Variants in IFITM1 observed in about 807,000 individuals in gnomAD.
IFITM1 encodes interferon-induced transmembrane protein 1.
A neutral mutation model predicts 4.0 loss-of-function variants in IFITM1; 1 was observed. The ratio of observed to expected loss-of-function variants is 0.25; its 90% CI spans 0.09 to 1.18. IFITM1 has a LOEUF of 1.18. Ranked by LOEUF, IFITM1 falls within the 50% of genes most tolerant of loss-of-function variation. IFITM1 has a pLI of 0.50. For missense variants in IFITM1, 131 were observed against 163.2 expected (o/e 0.80, Z 1.08); for synonymous variants, 79 against 69.7 (o/e 1.13, Z -0.67).
chr11:314,054 AAGG>A lies in IFITM1; in HGVS notation c.-113_-111del, dbSNP rs1002331178. On this transcript the variant is annotated 5_prime_UTR_variant, in exon 1 of 2. Transcript: ENST00000408968. This position sits in a 1 kb window ranked among gnomAD's most constrained non-coding sequence, Gnocchi z 4.5. ...TCTGAGAAACTGAAACGACAGGGGA[AAGG>A]AGGTCTCACTGAGCACCGTCCCAGC... 2.6e-5 allele frequency: 20 copies of A among 768,998 alleles called. No homozygotes were observed. In the African/African-American group the frequency reaches 3.5e-4, roughly 13 times the overall value. 47.6% of individuals were successfully genotyped at this position (768,998 alleles called of 1,614,324 possible).
chr11:314,459 G>C lies in IFITM1; in HGVS notation c.186+103G>C. 1 of 1,301,206 alleles carries C rather than the reference G, an allele frequency of 7.7e-7. No homozygotes were observed. Among genetic ancestry groups the C allele is most frequent in the Non-Finnish European group, 1.1e-6 (1 of 903,820 alleles). 80.6% of individuals were successfully genotyped at this position (1,301,206 alleles called of 1,614,324 possible). On this transcript the variant is annotated intron_variant, in intron 1 of 1. Coordinates refer to ENST00000408968, the MANE Select transcript of IFITM1 (RefSeq NM_003641.5). This position sits in a 1 kb window ranked among gnomAD's most constrained non-coding sequence, Gnocchi z 4.5. ...GGGACTTGTGTGTCCCTGTGACTGT[G>C]AGTTTGTGTGCACCTCTGCCCCGTG... is the stretch of plus-strand genomic sequence containing the variant.
rs1590305480 is a variant in IFITM1 at position 314,908 on chromosome 11, C to T, written c.187-14C>T. Reference sequence around the variant, plus strand: ...TGGGGGATCCTGGTCCCCTCACCATCTCCTCTCCCCCAGTCTAGGGACAGG... The same window carrying T: ...TGGGGGATCCTGGTCCCCTCACCATTTCCTCTCCCCCAGTCTAGGGACAGG... On this transcript the variant is annotated splice_polypyrimidine_tract_variant and intron_variant, in intron 1 of 1. Transcript: ENST00000408968. This position sits in a 1 kb window ranked among gnomAD's most constrained non-coding sequence, Gnocchi z 4.5. 1.9e-6 allele frequency: 3 copies of T among 1,610,634 alleles called. No homozygotes were observed. The highest frequency in any genetic ancestry group is 2.2e-5 in the South Asian group (2 of 90,912).
Position 315,170 on chromosome 11 carries a change from C to A in IFITM1, c.*57C>A. Reference sequence around the variant, plus strand: ...CACTGTGCAATGCTGGCCCTGCACGCTGGGGCTGTTGCCCCTGCCCCCTTG... The same window carrying A: ...CACTGTGCAATGCTGGCCCTGCACGATGGGGCTGTTGCCCCTGCCCCCTTG... On this transcript the variant is annotated 3_prime_UTR_variant, in exon 2 of 2. Transcript: ENST00000408968. The A allele has an allele frequency of 6.4e-7, 1 of 1,560,596 alleles. No homozygotes were observed. Among genetic ancestry groups the A allele is most frequent in the South Asian group, 1.1e-5 (1 of 87,700 alleles).
chr11:314,361 G>A lies in IFITM1; in HGVS notation c.186+5G>A, dbSNP rs750994855. 1.4e-5 allele frequency: 23 copies of A among 1,613,706 alleles called. No homozygotes were observed. The highest frequency in any genetic ancestry group is 1.6e-4 in the Middle Eastern group (1 of 6,078). On this transcript the variant is annotated splice_donor_5th_base_variant and intron_variant, in intron 1 of 1. Transcript: ENST00000408968. This position sits in a 1 kb window ranked among gnomAD's most constrained non-coding sequence, Gnocchi z 4.5. ...GCATTCGCCTACTCCGTGAAGGTGCGTATGGCCCTGGCGGAAATCCAGGGG... is the reference window on the plus strand; with the variant it reads ...GCATTCGCCTACTCCGTGAAGGTGCATATGGCCCTGGCGGAAATCCAGGGG...
rs761223340 is a variant in IFITM1, at chr11:314,880, A to G, written c.187-42A>G. 1.2e-6 allele frequency: 2 copies of G among 1,607,526 alleles called. No homozygotes were observed. Among genetic ancestry groups the G allele is most frequent in the South Asian group, 1.1e-5 (1 of 90,692 alleles). On this transcript the variant is annotated intron_variant, in intron 1 of 1. Transcript: ENST00000408968. This position sits in a 1 kb window ranked among gnomAD's most constrained non-coding sequence, Gnocchi z 4.5. ...GACGGAGCCATAGCACGCGGCTCTC[A>G]GCTGGGGGATCCTGGTCCCCTCACC...
At position 314,106 on chromosome 11, in the gene IFITM1, C is replaced by A. The variant is rs760619010; in HGVS notation, c.-65C>A. On this transcript the variant is annotated 5_prime_UTR_variant, in exon 1 of 2. Coordinates refer to ENST00000408968, the MANE Select transcript of IFITM1 (RefSeq NM_003641.5). The surrounding 1 kb of genome is among the most constrained non-coding windows in gnomAD (Gnocchi z 4.5). ...GCATCCGGACACCACAGCGGCCCTT[C>A]GCTCCACGCAGAAAACCACACTTCT... 6.7e-7 allele frequency: 1 copy of A among 1,486,278 alleles called. No individual in the cohort carries two copies. Among genetic ancestry groups the A allele is most frequent in the Non-Finnish European group, 9.4e-7 (1 of 1,068,464 alleles). The allele number at this position is 1,486,278 out of a possible 1,614,324, so 92.1% of individuals were successfully genotyped here. A position where few individuals can be genotyped will look rare whatever the true frequency, so the allele number is the denominator to read the frequency against.
chr11:314,309 T>A lies in IFITM1; in HGVS notation c.139T>A (p.Leu47Met), dbSNP rs748890801. 3 of 1,613,822 alleles carry A rather than the reference T, an allele frequency of 1.9e-6. No individual in the cohort carries two copies. The highest frequency in any genetic ancestry group is 1.1e-5 in the South Asian group (1 of 91,074). The change falls in exon 1 of 2, where the codon TTG becomes ATG. Residue 47 changes from leucine to methionine, a missense_variant. Leu to Met is a conservative substitution (Grantham distance 15, BLOSUM62 2). This residue lies in a region of IFITM1 where 77 missense variants were observed against 80.1 expected (regional missense o/e 0.96). Transcript: ENST00000408968. The surrounding 1 kb of genome is among the most constrained non-coding windows in gnomAD (Gnocchi z 4.5). Reference sequence around the variant, plus strand: ...CTGGTCCCTGTTCAACACCCTCTTCTTGAACTGGTGCTGTCTGGGCTTCAT... The same window carrying A: ...CTGGTCCCTGTTCAACACCCTCTTCATGAACTGGTGCTGTCTGGGCTTCAT... The part of the protein sequence containing the change: ...VVWSLFNTLF[L>M]NWCCLGFIAF...
At position 315,087 on chromosome 11, in the gene IFITM1, A is replaced by T. The variant is rs747082180; in HGVS notation, c.352A>T (p.Ile118Leu). ...GACAGTCTACCATATTATGTTACAGATAATACAGGAAAAACGGGGTTACTA... is the reference window on the plus strand; with the variant it reads ...GACAGTCTACCATATTATGTTACAGTTAATACAGGAAAAACGGGGTTACTA... ...SVTVYHIMLQ[I>L]IQEKRGY The change falls in exon 2 of 2, where the codon ATA (isoleucine) becomes TTA (leucine). Residue 118 changes from isoleucine to leucine, a missense_variant. By Grantham distance (5) the Ile-to-Leu change is conservative (BLOSUM62 2). Transcript: ENST00000408968. 6 of 1,614,038 alleles carry T rather than the reference A, an allele frequency of 3.7e-6. No homozygotes were observed. The South Asian group carries it at 6.6e-5, about 18-fold the overall frequency.
In IFITM1 at chr11:315,207, A is replaced by G; in HGVS notation, c.*94A>G. The G allele has an allele frequency of 8.4e-7, 1 of 1,195,012 alleles. No individual in the cohort carries two copies. Among genetic ancestry groups the G allele is most frequent in the Non-Finnish European group, 1.2e-6 (1 of 822,762 alleles). The allele number at this position is 1,195,012 out of a possible 1,614,324, so 74.0% of individuals were successfully genotyped here. A position where few individuals can be genotyped will look rare whatever the true frequency, so the allele number is the denominator to read the frequency against. ...CCCCTGCCCCCTTGGTCCTGCCCCT[A>G]GATACAGCAGTTTATACCCACACAC... On this transcript the variant is annotated 3_prime_UTR_variant, in exon 2 of 2. Coordinates refer to ENST00000408968, the MANE Select transcript of IFITM1 (RefSeq NM_003641.5).
chr11:315,126 G>A lies in IFITM1; in HGVS notation c.*13G>A, dbSNP rs966011432. The A allele has an allele frequency of 2.5e-6, 4 of 1,613,134 alleles. No individual in the cohort carries two copies. In the South Asian group the frequency reaches 3.3e-5, roughly 13 times the overall value. On this transcript the variant is annotated 3_prime_UTR_variant, in exon 2 of 2. Transcript: ENST00000408968. ...ACGGGGTTACTAGTAGCCGCCCATA[G>A]CCTGCAACCTTTGCACTCCACTGTG...
chr11:314,299 C>T lies in IFITM1; in HGVS notation c.129C>T (p.Asn43=). 1 of 1,613,960 alleles carries T rather than the reference C, an allele frequency of 6.2e-7. No homozygotes were observed. Among genetic ancestry groups the T allele is most frequent in the African/African-American group, 1.3e-5 (1 of 75,024 alleles). ...ACCATGTCGTCTGGTCCCTGTTCAA[C>T]ACCCTCTTCTTGAACTGGTGCTGTC... is the stretch of plus-strand genomic sequence containing the variant. ...VPDHVVWSLF[N]TLFLNWCCLG... is the part of the protein sequence containing the mutation. The change falls in exon 1 of 2, where the codon AAC becomes AAT. Residue 43 remains asparagine, a synonymous_variant. Transcript: ENST00000408968. This position sits in a 1 kb window ranked among gnomAD's most constrained non-coding sequence, Gnocchi z 4.5.
rs1846029893 is a variant in IFITM1, at chr11:314,098, C to A, written c.-73C>A. 7.3e-7 allele frequency: 1 copy of A among 1,361,340 alleles called. No individual in the cohort carries two copies. Among genetic ancestry groups the A allele is most frequent in the Non-Finnish European group, 1.0e-6 (1 of 957,044 alleles). The allele number at this position is 1,361,340 out of a possible 1,614,324, so 84.3% of individuals were successfully genotyped here. On this transcript the variant is annotated 5_prime_UTR_variant, in exon 1 of 2. Transcript: ENST00000408968. This position sits in a 1 kb window ranked among gnomAD's most constrained non-coding sequence, Gnocchi z 4.5. ...CCGTCCCAGCATCCGGACACCACAG[C>A]GGCCCTTCGCTCCACGCAGAAAACC...
chr11:314,900 C>T lies in IFITM1; in HGVS notation c.187-22C>T. On this transcript the variant is annotated intron_variant, in intron 1 of 1. Transcript: ENST00000408968. The surrounding 1 kb of genome is among the most constrained non-coding windows in gnomAD (Gnocchi z 4.5). The stretch of plus-strand genomic sequence containing the variant: ...CTCTCAGCTGGGGGATCCTGGTCCC[C>T]TCACCATCTCCTCTCCCCCAGTCTA... 1 of 1,609,838 alleles carries T rather than the reference C, an allele frequency of 6.2e-7. No individual in the cohort carries two copies. Among genetic ancestry groups the T allele is most frequent in the South Asian group, 1.1e-5 (1 of 90,838 alleles).
At position 315,160 on chromosome 11, in the gene IFITM1, G is replaced by T; in HGVS notation, c.*47G>T. 6.3e-7 allele frequency: 1 copy of T among 1,586,380 alleles called. No individual in the cohort carries two copies. Among genetic ancestry groups the T allele is most frequent in the Non-Finnish European group, 8.6e-7 (1 of 1,158,520 alleles). On this transcript the variant is annotated 3_prime_UTR_variant, in exon 2 of 2. Transcript: ENST00000408968. ...CTTTGCACTCCACTGTGCAATGCTG[G>T]CCCTGCACGCTGGGGCTGTTGCCCC...
In IFITM1 at chr11:314,211, C is replaced by T. The variant is rs926796038; in HGVS notation, c.41C>T (p.Pro14Leu). ...CATGAGGTGGCTGTGCTGGGGCCAC[C>T]CCCCAGCACCATCCTTCCAAGGTCC... ...EEHEVAVLGP[P>L]PSTILPRSTV... The change falls in exon 1 of 2, where the codon CCC becomes CTC. Residue 14 changes from proline to leucine, a missense_variant. Physicochemically the swap from Pro to Leu is moderately conservative, Grantham distance 98. Around this residue, in one of 3 missense-constraint regions of IFITM1, gnomAD observed 77 missense variants for 80.1 expected, o/e 0.96. Coordinates refer to ENST00000408968, the MANE Select transcript of IFITM1 (RefSeq NM_003641.5). This position sits in a 1 kb window ranked among gnomAD's most constrained non-coding sequence, Gnocchi z 4.5. 2 of 1,613,574 alleles carry T rather than the reference C, an allele frequency of 1.2e-6. No individual in the cohort carries two copies. The highest frequency in any genetic ancestry group is 2.7e-5 in the African/African-American group (2 of 74,822).
rs1330145242 is a variant in IFITM1 at position 315,053 on chromosome 11, C to T, written c.318C>T (p.Phe106=). The T allele has an allele frequency of 4.0e-5, 64 of 1,614,056 alleles. No homozygotes were observed. The highest frequency in any genetic ancestry group is 5.0e-5 in the Non-Finnish European group (59 of 1,180,016). Residue 106 remains phenylalanine, a synonymous_variant, in exon 2 of 2, where the codon TTC becomes TTT. Transcript: ENST00000408968. Reference sequence around the variant, plus strand: ...TTGGATTCATCCTGTTACTGGTATTCGGCTCTGTGACAGTCTACCATATTA... The same window carrying T: ...TTGGATTCATCCTGTTACTGGTATTTGGCTCTGTGACAGTCTACCATATTA... ...MTIGFILLLV[F]GSVTVYHIML...
rs748801148 is a variant in IFITM1, at chr11:314,257, C to T, written c.87C>T (p.Ser29=). 8 of 1,613,842 alleles carry T rather than the reference C, an allele frequency of 5.0e-6. No homozygotes were observed. The highest frequency in any genetic ancestry group is 4.0e-5 in the African/African-American group (3 of 74,904). The part of the protein sequence containing the change: ...LPRSTVINIH[S]ETSVPDHVVW... ...GGTCCACCGTGATCAACATCCACAGCGAGACCTCCGTGCCCGACCATGTCG... is the reference window on the plus strand; with the variant it reads ...GGTCCACCGTGATCAACATCCACAGTGAGACCTCCGTGCCCGACCATGTCG... Residue 29 remains serine (S), a synonymous_variant, in exon 1 of 2, where the codon AGC becomes AGT. Coordinates refer to ENST00000408968, the MANE Select transcript of IFITM1 (RefSeq NM_003641.5). The surrounding 1 kb of genome is among the most constrained non-coding windows in gnomAD (Gnocchi z 4.5).
Position 314,204 on chromosome 11 carries a change from G to C in IFITM1, c.34G>C (p.Gly12Arg), listed in dbSNP as rs930409250. ...GGAGGAACATGAGGTGGCTGTGCTG[G>C]GGCCACCCCCCAGCACCATCCTTCC... ...HKEEHEVAVL[G>R]PPPSTILPRS... The change falls in exon 1 of 2, where the codon GGG becomes CGG. Residue 12 changes from glycine to arginine, a missense_variant. By Grantham distance (125) the Gly-to-Arg change is moderately radical (BLOSUM62 -2). Coordinates refer to ENST00000408968, the MANE Select transcript of IFITM1 (RefSeq NM_003641.5). The surrounding 1 kb of genome is among the most constrained non-coding windows in gnomAD (Gnocchi z 4.5). 3 of 1,613,888 alleles carry C rather than the reference G, an allele frequency of 1.9e-6. No homozygotes were observed. The highest frequency in any genetic ancestry group is 2.5e-6 in the Non-Finnish European group (3 of 1,179,970).
chr11:314,766 A>G lies in IFITM1; in HGVS notation c.187-156A>G, dbSNP rs1846036225. ...GAACAGCCTGTGCTGGGGCCAAGGC[A>G]GAAGGAGGATGAGCCCCGAGGCTCC... On this transcript the variant is annotated intron_variant, in intron 1 of 1. Coordinates refer to ENST00000408968, the MANE Select transcript of IFITM1 (RefSeq NM_003641.5). This position sits in a 1 kb window ranked among gnomAD's most constrained non-coding sequence, Gnocchi z 4.5. Among the ~76,000 whole-genome samples, 2 of 152,216 alleles carry G rather than the reference A, an allele frequency of 1.3e-5. No individual in the cohort carries two copies. The highest frequency in any genetic ancestry group is 2.4e-5 in the African/African-American group (1 of 41,456).
Sources: gnomAD v4.1 joint callset for allele counts (sites outside exome capture counted in the v4.1 genomes callset) on GRCh38, gnomAD v4.1.1 for gene constraint, gnomAD v4.1.1 regional missense constraint, Gnocchi (gnomAD v3.1) non-coding constraint, MANE v1.5 for transcripts, NCBI Gene and HGNC (gene_info 2026-07-23, HGNC 2026-07-21) for gene names.